The following MEIOB variants were observed in gnomAD, a reference collection of about 807,000 sequenced individuals.
MEIOB encodes meiosis-specific with OB domain-containing protein.
In MEIOB, 50 loss-of-function variants were observed where a neutral mutation model predicts 53.1. The observed-to-expected ratio is 0.94, with a 90% confidence interval of 0.75 to 1.19. MEIOB has a LOEUF of 1.19. Among genes scored for constraint, MEIOB ranks in the 50% most tolerant of loss-of-function variants. The probability of loss-of-function intolerance (pLI) is 0.00; values close to 1 mark genes in which losing one functional copy is unlikely to be tolerated. For synonymous variants in MEIOB, 192 were observed against 182.5 expected (o/e 1.05, Z -0.42); for missense variants, 551 against 550.8 (o/e 1.00, Z 0.00).
intron 3 of MEIOB, among the ~76,000 whole-genome samples, chr16:1,864,137 G>T (rs1899525757): frequency 6.6e-6 from 1 of 152,136 alleles, no homozygotes; most frequent in Non-Finnish European, 1.5e-5. Flanking sequence ...GAGTGACAGA[G>T]CAAGACCCTA....
intron 9 of MEIOB, among the ~76,000 whole-genome samples, chr16:1,847,581 A>G (rs992580248): frequency 6.6e-6 from 1 of 152,070 alleles, no homozygotes; most frequent in African/African-American, 2.4e-5. Flanking sequence ...GACCCCCCAA[A>G]AAAAAGAAGA....
chr16:1,838,535 AAGG>A (rs1246928440), intron 12 of MEIOB, among the ~76,000 whole-genome samples: 2 of 152,180 alleles, frequency 1.3e-5, no homozygotes, highest in Non-Finnish European at 2.9e-5. Flanking sequence ...GCTGCAAATC[AAGG>A]AGAAAACGTG....
At chr16:1,863,910 G>A (rs776529701) in intron 3 of MEIOB, among the ~76,000 whole-genome samples, 4 of 152,068 alleles carry the variant, frequency 2.6e-5, no homozygotes, top group East Asian at 1.9e-4. Flanking sequence ...CTATAATCCC[G>A]GCACCTTGGG....
Position 1,868,191 on chromosome 16 carries a change from T to TAAA in MEIOB, c.-9-8_-9-7insTTT. 6 of 1,420,662 alleles carry TAAA rather than the reference T, an allele frequency of 4.2e-6. No individual in the cohort carries two copies. The highest frequency in any genetic ancestry group is 5.8e-6 in the Non-Finnish European group (6 of 1,034,940). The allele number at this position is 1,420,662 out of a possible 1,614,324, so 88.0% of individuals were successfully genotyped here. On this transcript the variant is annotated splice_region_variant and splice_polypyrimidine_tract_variant and intron_variant, in intron 1 of 13. Transcript: ENST00000325962. ...AGTTTGCCATTTTTTTAATCTGCAT[T>TAAA]TTAGAAAATATAATTTAGATATATA...
Position 1,837,869 on chromosome 16 carries a change from A to C in MEIOB, c.1220T>G (p.Val407Gly). The C allele has an allele frequency of 6.6e-7, 1 of 1,503,776 alleles. No homozygotes were observed. Among genetic ancestry groups the C allele is most frequent in the Non-Finnish European group, 8.9e-7 (1 of 1,125,404 alleles). 93.2% of individuals were successfully genotyped at this position (1,503,776 alleles called of 1,614,324 possible). ...ATCTGTCATTGCAAGAAACTCATGTACCTGGTTAAAAAAAAAATATGAGAC... is the reference window on the plus strand; with the variant it reads ...ATCTGTCATTGCAAGAAACTCATGTCCCTGGTTAAAAAAAAAATATGAGAC... ...SVAEETLGCTVHEFLAMTDEQ... is the reference protein window; with the variant it reads ...SVAEETLGCTGHEFLAMTDEQ... Residue 407 changes from valine to glycine, a missense_variant and splice_region_variant, in exon 13 of 14, where the codon GTA becomes GGA. By Grantham distance (109) the Val-to-Gly change is moderately radical. Transcript: ENST00000325962.
intron 6 of MEIOB, among the ~76,000 whole-genome samples, chr16:1,855,376 G>C (rs1334580879): frequency 2.0e-5 from 3 of 152,040 alleles, no homozygotes; most frequent in Non-Finnish European, 4.4e-5. Flanking sequence ...AGGTTGCAGT[G>C]AGCCAAGATC....
intron 13 of MEIOB, among the ~76,000 whole-genome samples, chr16:1,836,417 T>C (rs933200561): frequency 6.6e-6 from 1 of 152,182 alleles, no homozygotes; most frequent in African/African-American, 2.4e-5. Flanking sequence ...TCAGACTCAT[T>C]AGCAAGTGGT....
chr16:1,834,833 G>GTT (rs1898695780), intron 13 of MEIOB, among the ~76,000 whole-genome samples: 1 of 152,168 alleles, frequency 6.6e-6, no homozygotes, highest in Admixed American at 6.5e-5. Context: ...TACTCAGAAG[G>GTT]CTGAGGCAGG....
At chr16:1,855,264 T>C (rs1413937261) in intron 6 of MEIOB, among the ~76,000 whole-genome samples, 1 of 152,036 alleles carries the variant, frequency 6.6e-6, no homozygotes, top group African/African-American at 2.4e-5. Context: ...AAACCTTGTC[T>C]CTACTAAAAA....
At chr16:1,842,347 G>A (rs1898931919) in intron 10 of MEIOB, among the ~76,000 whole-genome samples, 1 of 151,596 alleles carries the variant, frequency 6.6e-6, no homozygotes, top group Non-Finnish European at 1.5e-5. Context: ...GGGCACAGTG[G>A]CTCATGCCTG....
chr16:1,844,574 G>T lies in MEIOB; in HGVS notation c.880+288C>A, dbSNP rs1898986292. The stretch of plus-strand genomic sequence containing the variant: ...CCTCCCAGGTTCAAGGGATTCTCCT[G>T]CCTCAGCCTCCTGAGCAGCTGGGAT... On this transcript the variant is annotated intron_variant, in intron 10 of 13. Transcript: ENST00000325962. Among the ~76,000 whole-genome samples the T allele has an allele frequency of 2.0e-5, 3 of 152,012 alleles. No individual in the cohort carries two copies. In the South Asian group the frequency reaches 6.2e-4, roughly 31 times the overall value.
At chr16:1,860,124 G>A (rs138042581) in intron 5 of MEIOB, among the ~76,000 whole-genome samples, 3 of 152,294 alleles carry the variant, frequency 2.0e-5, no homozygotes, top group African/African-American at 7.2e-5. Flanking sequence ...AATTTCCAAA[G>A]TTTATCTTTT....
Position 1,844,302 on chromosome 16 carries a change from T to G in MEIOB, c.880+560A>C, listed in dbSNP as rs1306004257. Among the ~76,000 whole-genome samples, 3 of 151,902 alleles carry G rather than the reference T, an allele frequency of 2.0e-5. No individual in the cohort carries two copies. The East Asian group carries it at 5.8e-4, about 29-fold the overall frequency. ...CATGCCTGGCTCATTTTTTGTATTT[T>G]TAGTAGAGACGGGATTTCACCATGT... is the stretch of plus-strand genomic sequence containing the variant. On this transcript the variant is annotated intron_variant, in intron 10 of 13. Coordinates refer to ENST00000325962, the MANE Select transcript of MEIOB (RefSeq NM_001163560.3).
chr16:1,870,055 G>C (rs1323476727), intron 1 of MEIOB, among the ~76,000 whole-genome samples: 1 of 151,662 alleles, frequency 6.6e-6, no homozygotes, highest in Non-Finnish European at 1.5e-5. Context: ...TGTATTTTTA[G>C]TAGAGATGGG....
intron 13 of MEIOB, among the ~76,000 whole-genome samples, chr16:1,836,766 A>C (rs954566986): frequency 1.4e-5 from 2 of 147,194 alleles, no homozygotes; most frequent in African/African-American, 4.9e-5. Context: ...TCATAATAAC[A>C]CTAATTCTCT....
intron 9 of MEIOB, among the ~76,000 whole-genome samples, chr16:1,849,663 C>CT (rs1899113524): frequency 1.3e-5 from 2 of 149,826 alleles, no homozygotes; most frequent in African/African-American, 4.9e-5. Context: ...TAAAGTAAAA[C>CT]TAAAAAAAAA....
intron 4 of MEIOB, 117 bp from the exon 5 acceptor site, chr16:1,860,592 C>A (rs1899416825): frequency 1.1e-5 from 7 of 630,698 alleles, no homozygotes; most frequent in Non-Finnish European, 1.7e-5. Context: ...TTTAAAAATT[C>A]CTCACCTCAT....
chr16:1,865,441 AAGAG>A, intron 3 of MEIOB, among the ~76,000 whole-genome samples: 1 of 151,398 alleles, frequency 6.6e-6, no homozygotes, highest in South Asian at 2.1e-4. Flanking sequence ...CAAAAAAAAA[AAGAG>A]AGAACACATG....
At position 1,864,317 on chromosome 16, in the gene MEIOB, T is replaced by C. The variant is rs565424247; in HGVS notation, c.127+1461A>G. On this transcript the variant is annotated intron_variant, in intron 3 of 13. Coordinates refer to ENST00000325962, the MANE Select transcript of MEIOB (RefSeq NM_001163560.3). ...CTGTGACCTTTGGTACTGCTGGAATTTTTGATACAAATATAATGTTATATG... is the reference window on the plus strand; with the variant it reads ...CTGTGACCTTTGGTACTGCTGGAATCTTTGATACAAATATAATGTTATATG... Among the ~76,000 whole-genome samples, 10 of 152,252 alleles carry C rather than the reference T, an allele frequency of 6.6e-5. No homozygotes were observed. The South Asian group carries it at 2.1e-3, about 32-fold the overall frequency.
Sources: gnomAD v4.1 joint callset for allele counts (sites outside exome capture counted in the v4.1 genomes callset) on GRCh38, gnomAD v4.1.1 for gene constraint, MANE v1.5 for transcripts, NCBI Gene and HGNC (gene_info 2026-07-23, HGNC 2026-07-21) for gene names.